The following RMDN2 variants were observed in gnomAD, a reference collection of about 807,000 sequenced individuals.
The protein encoded by RMDN2 is regulator of microtubule dynamics 2, also known as regulator of microtubule dynamics protein 2.
A neutral mutation model predicts 52.8 loss-of-function variants in RMDN2; 61 were observed. The observed-to-expected ratio is 1.16, with a 90% CI of 0.94 to 1.43. The LOEUF (loss-of-function observed/expected upper bound fraction) is 1.43. Among genes scored for constraint, RMDN2 ranks in the 40% most tolerant of loss-of-function variants. RMDN2 has a pLI of 0.00. For missense variants in RMDN2, 592 were observed against 475.3 expected (o/e 1.25, Z -2.28); for synonymous variants, 180 against 153.1 (o/e 1.18, Z -1.30).
intron 2 of RMDN2, chr2:37,950,579 A>G (rs1447415229): frequency 1.9e-6 from 3 of 1,613,160 alleles, no homozygotes; most frequent in Non-Finnish European, 2.5e-6. Context: ...TAAATTTACA[A>G]TGGGAAAGTG....
chr2:38,015,143 G>T (rs563187391), intron 10 of RMDN2, among the ~76,000 whole-genome samples: 1 of 152,324 alleles, frequency 6.6e-6, no homozygotes, highest in South Asian at 2.1e-4. Context: ...CCCAACCCCA[G>T]TATCATCGTG....
At chr2:38,005,094 A>G (rs1573043775) in intron 10 of RMDN2, among the ~76,000 whole-genome samples, 1 of 152,062 alleles carries the variant, frequency 6.6e-6, no homozygotes, top group African/African-American at 2.4e-5. Context: ...AATCCAGTCT[A>G]TCATTGTTGG....
intron 2 of RMDN2, among the ~76,000 whole-genome samples, chr2:37,934,092 A>T (rs1380381835): frequency 6.6e-6 from 1 of 152,200 alleles, no homozygotes. Flanking sequence ...CATGTTCCAT[A>T]TGTAACATTT....
chr2:37,929,758 T>A (rs1257738503), intron 2 of RMDN2, 29 bp downstream of exon 2: 1 of 1,387,638 alleles, frequency 7.2e-7, no homozygotes, highest in Non-Finnish European at 9.6e-7. Flanking sequence ...TTTCCTATGT[T>A]GAATTGGTTA....
chr2:37,964,029 C>G (rs1375796752), intron 2 of RMDN2, among the ~76,000 whole-genome samples: 1 of 147,166 alleles, frequency 6.8e-6, no homozygotes, highest in Non-Finnish European at 1.5e-5. Flanking sequence ...GCTGGCCTGG[C>G]GGGGGCTGCC....
At position 37,975,282 on chromosome 2, in the gene RMDN2, A is replaced by C. The variant is rs1672320585; in HGVS notation, c.698A>C (p.Asn233Thr). 6.8e-6 allele frequency: 11 copies of C among 1,606,538 alleles called. No homozygotes were observed. The East Asian group carries it at 2.5e-4, about 36-fold the overall frequency. Residue 233 changes from asparagine (N) to threonine (T), a missense_variant, in exon 4 of 11, where the codon AAC becomes ACC. Asn to Thr is a moderately conservative substitution (Grantham distance 65). Transcript: ENST00000354545. Reference protein sequence around the residue: ...AYGDMYELSTNTQEKKHYANI... With the variant: ...AYGDMYELSTTTQEKKHYANI... ...GGAGACATGTATGAACTATCTACAA[A>C]CACACAAGAAAAGAAACATTATGCT...
intron 2 of RMDN2, among the ~76,000 whole-genome samples, chr2:37,972,234 A>C (rs1304011678): frequency 6.6e-6 from 1 of 152,164 alleles, no homozygotes; most frequent in Non-Finnish European, 1.5e-5. Context: ...ATTAATCAAA[A>C]TTTGTAGAAT....
intron 10 of RMDN2, among the ~76,000 whole-genome samples, chr2:38,013,353 G>T (rs1031192984): frequency 3.3e-5 from 5 of 152,210 alleles, no homozygotes; most frequent in African/African-American, 1.2e-4. Flanking sequence ...TTTTAAAATT[G>T]CTGAAACATT....
chr2:38,056,103 A>T (rs1432013394), intron 10 of RMDN2, among the ~76,000 whole-genome samples: 3 of 152,154 alleles, frequency 2.0e-5, no homozygotes, highest in African/African-American at 7.2e-5. Context: ...ATTCAAACAG[A>T]TATTTTATTA....
chr2:37,922,683 G>A (rs975886665), upstream of RMDN2, among the ~76,000 whole-genome samples: 1 of 152,180 alleles, frequency 6.6e-6, no homozygotes. Context: ...TAGCAGGGAG[G>A]CATTTTGTAT....
intron 2 of RMDN2, among the ~76,000 whole-genome samples, chr2:37,953,418 C>T (rs1669083632): frequency 1.3e-5 from 2 of 151,980 alleles, no homozygotes; most frequent in African/African-American, 2.4e-5. Flanking sequence ...CTCCAAGTAC[C>T]TCATATAAGT....
chr2:38,039,436 T>C (rs1346560440), intron 10 of RMDN2: 1 of 152,188 alleles, frequency 6.6e-6, no homozygotes, highest in Non-Finnish European at 1.5e-5. Flanking sequence ...CTGACCCTTC[T>C]TTTATTTAAG....
intron 10 of RMDN2, chr2:38,033,235 G>C (rs1680339775): frequency 6.6e-6 from 1 of 152,272 alleles, no homozygotes; most frequent in South Asian, 2.1e-4. Context: ...ACCTTTGTTA[G>C]TTACTAGTAG....
intron 10 of RMDN2, among the ~76,000 whole-genome samples, chr2:38,013,708 A>G (rs931797628): frequency 3.3e-5 from 5 of 152,230 alleles, no homozygotes; most frequent in Middle Eastern, 3.2e-3. Flanking sequence ...ATAAAACAGA[A>G]TTTGTATCCA....
rs1678961743 is a variant in RMDN2 at position 38,017,461 on chromosome 2, C to T, written c.*222C>T. On this transcript the variant is annotated 3_prime_UTR_variant, in exon 11 of 11. Transcript: ENST00000354545. ...ATAATGTCAATACATAATCTATAAA[C>T]ATGTATGCTTTATATTTTTCTTATC... 3 of 1,148,516 alleles carry T rather than the reference C, an allele frequency of 2.6e-6. No homozygotes were observed. Among genetic ancestry groups the T allele is most frequent in the Non-Finnish European group, 3.5e-6 (3 of 865,054 alleles). 71.1% of individuals were successfully genotyped at this position (1,148,516 alleles called of 1,614,324 possible).
intron 10 of RMDN2, among the ~76,000 whole-genome samples, chr2:38,041,726 G>C (rs999239446): frequency 5.9e-5 from 9 of 151,984 alleles, no homozygotes; most frequent in Non-Finnish European, 1.0e-4. Context: ...TTCCTTTTTA[G>C]TGTATTAATG....
intron 8 of RMDN2, among the ~76,000 whole-genome samples, chr2:37,999,445 G>T (rs1019914127): frequency 6.6e-6 from 1 of 152,110 alleles, no homozygotes; most frequent in African/African-American, 2.4e-5. Context: ...AAACACCTCA[G>T]CAAACCATCT....
chr2:37,969,795 A>G (rs1254452146), intron 2 of RMDN2, among the ~76,000 whole-genome samples: 5 of 144,202 alleles, frequency 3.5e-5, no homozygotes, highest in African/African-American at 1.2e-4. Flanking sequence ...GAAATGTATT[A>G]TTGTATTTAG....
chr2:37,998,246 G>A (rs567735939), intron 8 of RMDN2: 2 of 152,154 alleles, frequency 1.3e-5, no homozygotes, highest in Non-Finnish European at 2.9e-5. Flanking sequence ...TACAGACAAG[G>A]CTGCATGCAG....
Sources: allele counts gnomAD v4.1 joint callset (sites outside exome capture counted in the v4.1 genomes callset), GRCh38; gene constraint gnomAD v4.1.1; transcripts MANE v1.5; gene names NCBI Gene and HGNC (gene_info 2026-07-23, HGNC 2026-07-21).